The following LYSMD1 variants were observed in gnomAD, a reference collection of about 807,000 sequenced individuals.
LYSMD1 encodes the protein lysM and putative peptidoglycan-binding domain-containing protein 1.
A neutral mutation model predicts 19.3 loss-of-function variants in LYSMD1; 9 were observed. The observed-to-expected ratio is 0.47, with a 90% CI of 0.28 to 0.81. LYSMD1 has a LOEUF of 0.81. LYSMD1 is among the 40% of genes least tolerant of loss of function. The pLI is 0.11. For missense variants in LYSMD1, 262 were observed against 279.8 expected (o/e 0.94, Z 0.45); for synonymous variants, 111 against 111.7 (o/e 0.99, Z 0.04).
downstream of LYSMD1, chr1:151,158,660 T>C (rs894740112): frequency 6.6e-7 from 1 of 1,511,174 alleles, no homozygotes. Context: ...GTGGCCTTTC[T>C]TCTAGTGACT....
intron 1 of LYSMD1, among the ~76,000 whole-genome samples, chr1:151,162,874 C>T (rs751414357): frequency 6.6e-6 from 1 of 152,138 alleles, no homozygotes; most frequent in Non-Finnish European, 1.5e-5. Flanking sequence ...GTTTAACTGG[C>T]CTTCCTCGCT....
downstream of LYSMD1, among the ~76,000 whole-genome samples, chr1:151,156,144 T>C (rs1036951689): frequency 6.8e-6 from 1 of 147,946 alleles, no homozygotes; most frequent in African/African-American, 2.5e-5. Flanking sequence ...TCAGTAGGCT[T>C]GTTCCTCTAC....
Position 151,165,129 on chromosome 1 carries a change from A to G in LYSMD1, c.130T>C (p.Leu44=), listed in dbSNP as rs774383935. The change falls in exon 1 of 3, where the codon TTG becomes CTG. Residue 44 remains leucine (L), a synonymous_variant. Transcript: ENST00000368908. The part of the protein sequence containing the change: ...PVRERRLEHQ[L]EPGDTLAGLA... ...CCAGCCAGGGTGTCTCCGGGCTCCAACTGATGCTCCAGGCGTCTTTCCCTC... is the reference window on the plus strand; with the variant it reads ...CCAGCCAGGGTGTCTCCGGGCTCCAGCTGATGCTCCAGGCGTCTTTCCCTC... 5.1e-5 allele frequency: 83 copies of G among 1,614,004 alleles called. No homozygotes were observed. Among genetic ancestry groups the G allele is most frequent in the Non-Finnish European group, 6.7e-5 (79 of 1,180,020 alleles).
In LYSMD1 at chr1:151,160,974, G is replaced by T. The variant is rs79024247; in HGVS notation, c.592C>A (p.Gln198Lys). Residue 198 changes from glutamine (Q) to lysine (K), a missense_variant, in exon 3 of 3, where the codon CAG becomes AAG. Coordinates refer to ENST00000368908, the MANE Select transcript of LYSMD1 (RefSeq NM_212551.5). ...ACAGGACCTAGGACTGCTCGTTGCT[G>T]CATCCAAGGGGAGCTCAGGTGGAGA... is the stretch of plus-strand genomic sequence containing the variant. ...AGLHLSSPWM[Q>K]QRAVLGPVPL... is the part of the protein sequence containing the mutation. 1.3e-3 allele frequency: 2,128 copies of T among 1,614,190 alleles called. 59 individuals are homozygous for T. The East Asian group carries it at 0.045, about 34-fold the overall frequency.
chr1:151,149,352 G>A, the LYSMD1 span, among the ~76,000 whole-genome samples: 9 of 152,146 alleles, frequency 5.9e-5, no homozygotes, highest in South Asian at 2.1e-4. Context: ...AGCCAAGATC[G>A]TGCCACTGCA....
At chr1:151,164,040 A>C (rs1030248825) in intron 1 of LYSMD1, among the ~76,000 whole-genome samples, 4 of 150,116 alleles carry the variant, frequency 2.7e-5, no homozygotes, top group Admixed American at 2.0e-4. Flanking sequence ...ATTACAGGTG[A>C]GCACCACCAC....
intron 1 of LYSMD1, among the ~76,000 whole-genome samples, chr1:151,163,161 C>T (rs1306980391): frequency 6.6e-6 from 1 of 152,024 alleles, no homozygotes; most frequent in Non-Finnish European, 1.5e-5. Context: ...GCTCCCACCC[C>T]CCTACTATCC....
intron 2 of LYSMD1, among the ~76,000 whole-genome samples, chr1:151,161,268 C>A (rs1323557641): frequency 1.3e-5 from 2 of 152,182 alleles, no homozygotes; most frequent in Admixed American, 1.3e-4. Context: ...GAGGCCGAGG[C>A]TGGCGGATCA....
rs749506715 is a variant in LYSMD1, at chr1:151,160,953, G to C, written c.613C>G (p.Pro205Ala). 1.2e-6 allele frequency: 2 copies of C among 1,614,166 alleles called. No individual in the cohort carries two copies. The highest frequency in any genetic ancestry group is 1.1e-5 in the South Asian group (1 of 91,076). ...PWMQQRAVLG[P>A]VPLTRTSRTR... The stretch of plus-strand genomic sequence containing the variant: ...CGAGAGGTACGGGTCAGCGGCACAG[G>C]ACCTAGGACTGCTCGTTGCTGCATC... The change falls in exon 3 of 3, where the codon CCT (proline) becomes GCT (alanine). Residue 205 changes from proline (P) to alanine (A), a missense_variant. Pro to Ala is a conservative substitution (Grantham distance 27, BLOSUM62 -1). Coordinates refer to ENST00000368908, the MANE Select transcript of LYSMD1 (RefSeq NM_212551.5).
downstream of LYSMD1, chr1:151,159,529 C>T (rs1415008388): frequency 2.7e-6 from 1 of 373,278 alleles, no homozygotes; most frequent in Non-Finnish European, 5.2e-6. Context: ...CTCTATTTCT[C>T]CCATAAGGGA....
chr1:151,149,971 C>G, the LYSMD1 span, among the ~76,000 whole-genome samples: 1 of 152,212 alleles, frequency 6.6e-6, no homozygotes, highest in Non-Finnish European at 1.5e-5. Flanking sequence ...TTACCTGCAT[C>G]ATGTCTCTCT....
chr1:151,158,963 G>A (rs935731135), downstream of LYSMD1: 18 of 1,614,150 alleles, frequency 1.1e-5, no homozygotes, highest in Middle Eastern at 1.6e-4. Context: ...CTGGCTACCC[G>A]CTTTCGCCAG....
chr1:151,160,692 C>T lies in LYSMD1; in HGVS notation c.*190G>A. ...CCCAAGAACTGGGAAAGGTCCAGTT[C>T]CCATTCCCTAATCTTGCCAATAAAA... On this transcript the variant is annotated 3_prime_UTR_variant, in exon 3 of 3. Transcript: ENST00000368908. 1.8e-6 allele frequency: 1 copy of T among 552,170 alleles called. No homozygotes were observed. Among genetic ancestry groups the T allele is most frequent in the Non-Finnish European group, 3.2e-6 (1 of 317,086 alleles). The allele number at this position is 552,170 out of a possible 1,614,324, so 34.2% of individuals were successfully genotyped here. A position where few individuals can be genotyped will look rare whatever the true frequency, so the allele number is the denominator to read the frequency against.
downstream of LYSMD1, chr1:151,158,850 C>T (rs777448308): frequency 1.2e-6 from 2 of 1,614,086 alleles, no homozygotes; most frequent in Admixed American, 3.3e-5. Flanking sequence ...AGTACACGCA[C>T]AGCCGGCCCC....
chr1:151,151,260 G>C, the LYSMD1 span, among the ~76,000 whole-genome samples: 1 of 151,336 alleles, frequency 6.6e-6, no homozygotes, highest in Non-Finnish European at 1.5e-5. Flanking sequence ...GGCTCACTCG[G>C]CTCACTGCAA....
At chr1:151,161,636 C>T in intron 2 of LYSMD1, 100 bp downstream of exon 2, 1 of 1,464,960 alleles carries the variant, frequency 6.8e-7, no homozygotes, top group South Asian at 1.3e-5. Flanking sequence ...CACCTTGCCT[C>T]TGTTGGCACT....
At chr1:151,155,624 G>A (rs759841973), downstream of LYSMD1, among the ~76,000 whole-genome samples, 2 of 152,148 alleles carry the variant, frequency 1.3e-5, no homozygotes, top group African/African-American at 4.8e-5. Flanking sequence ...GCTGAAGTAG[G>A]AAGAGCTCTT....
chr1:151,160,789 T>A lies in LYSMD1; in HGVS notation c.*93A>T, dbSNP rs4129773. 2,162 of 1,456,214 alleles carry A rather than the reference T, an allele frequency of 1.5e-3. 34 individuals carry two copies. The African/African-American group carries it at 0.027, about 18-fold the overall frequency. The allele number at this position is 1,456,214 out of a possible 1,614,324, so 90.2% of individuals were successfully genotyped here. The stretch of plus-strand genomic sequence containing the variant: ...ATGGCTGGAGTGGAGGGAGGCAGGC[T>A]CATAAGCCATGTTCTTGAGCCTCAC... On this transcript the variant is annotated 3_prime_UTR_variant, in exon 3 of 3. Coordinates refer to ENST00000368908, the MANE Select transcript of LYSMD1 (RefSeq NM_212551.5).
the LYSMD1 span, among the ~76,000 whole-genome samples, chr1:151,148,557 CAAAAG>C: frequency 6.6e-5 from 10 of 152,042 alleles, no homozygotes; most frequent in Non-Finnish European, 1.5e-4. Context: ...CACCAAGTCT[CAAAAG>C]AAAAGCTACA....
Sources: allele counts gnomAD v4.1 joint callset (sites outside exome capture counted in the v4.1 genomes callset), GRCh38; gene constraint gnomAD v4.1.1; transcripts MANE v1.5; gene names NCBI Gene and HGNC (gene_info 2026-07-23, HGNC 2026-07-21).